The following TRPM3 variants were observed in gnomAD, a reference collection of about 807,000 sequenced individuals.
TRPM3 encodes long transient receptor potential channel 3.
In TRPM3, 77 loss-of-function variants were observed where a neutral mutation model predicts 181.2. That is an observed-to-expected ratio of 0.42 (90% confidence interval 0.35 to 0.51). The LOEUF is 0.51. Ranked by LOEUF, TRPM3 falls within the 20% of genes least tolerant of loss-of-function variation. TRPM3 has a pLI of 0.01. For synonymous variants in TRPM3, 745 were observed against 796.4 expected, an observed-to-expected ratio of 0.94 and a Z score of 1.09; for missense variants, 1,759 against 2,196.7, an observed-to-expected ratio of 0.80 and a Z score of 3.98.
At chr9:71,299,006 A>T (rs1349518928) in intron 1 of TRPM3, among the ~76,000 whole-genome samples, 2 of 152,178 alleles carry the variant, frequency 1.3e-5, no homozygotes, top group Non-Finnish European at 2.9e-5. Context: ...AAAGGATAAA[A>T]AAAGAGACTG....
intron 1 of TRPM3, among the ~76,000 whole-genome samples, chr9:71,280,535 A>C (rs961532870): frequency 2.6e-5 from 4 of 152,200 alleles, no homozygotes; most frequent in African/African-American, 9.6e-5. Flanking sequence ...AAAGAAAAGA[A>C]AAGAAAAGCC....
intron 20 of TRPM3, among the ~76,000 whole-genome samples, chr9:70,602,022 T>C (rs1199451277): frequency 6.6e-6 from 1 of 150,416 alleles, no homozygotes; most frequent in South Asian, 2.1e-4. Context: ...AAATGGGAAA[T>C]CCACAACATT....
intron 9 of TRPM3, among the ~76,000 whole-genome samples, chr9:70,642,545 G>A (rs527747396): frequency 3.9e-5 from 6 of 152,158 alleles, no homozygotes; most frequent in Admixed American, 3.9e-4. Context: ...GGGGAGCTTC[G>A]CTCAGGGTGC....
At chr9:71,006,819 C>CTCTCA in intron 1 of TRPM3, among the ~76,000 whole-genome samples, 1 of 143,436 alleles carries the variant, frequency 7.0e-6, no homozygotes, top group East Asian at 2.1e-4. Flanking sequence ...TGCAGTGAGC[C>CTCTCA]GAGATCGCGC....
chr9:71,086,603 G>A (rs1169600654), intron 1 of TRPM3, among the ~76,000 whole-genome samples: 2 of 152,034 alleles, frequency 1.3e-5, no homozygotes, highest in African/African-American at 2.4e-5. Flanking sequence ...TTGATGGAGA[G>A]TAAAGTCTTC....
intron 1 of TRPM3, among the ~76,000 whole-genome samples, chr9:71,383,228 G>A (rs190307500): frequency 9.9e-4 from 151 of 152,178 alleles, no homozygotes; most frequent in Non-Finnish European, 1.6e-3. Flanking sequence ...ACATGTATAT[G>A]TGTGTTTTTA....
chr9:70,859,623 T>G (rs2132330374), intron 3 of TRPM3, among the ~76,000 whole-genome samples: 1 of 152,304 alleles, frequency 6.6e-6, no homozygotes, highest in East Asian at 1.9e-4. Flanking sequence ...ATTGCACAAG[T>G]ATTTTAATAC....
intron 1 of TRPM3, among the ~76,000 whole-genome samples, chr9:70,939,071 C>T (rs895735830): frequency 2.6e-4 from 39 of 152,148 alleles, no homozygotes; most frequent in African/African-American, 9.4e-4. Context: ...TAAATACATC[C>T]AGTTTTCAGA....
At chr9:70,759,230 A>T (rs11142568) in intron 8 of TRPM3, among the ~76,000 whole-genome samples, 1 of 152,122 alleles carries the variant, frequency 6.6e-6, no homozygotes, top group Non-Finnish European at 1.5e-5. Context: ...ACATATGGAA[A>T]AAAGCTCATC....
intron 2 of TRPM3, among the ~76,000 whole-genome samples, chr9:70,864,023 A>C (rs996684168): frequency 6.6e-6 from 1 of 152,078 alleles, no homozygotes; most frequent in Non-Finnish European, 1.5e-5. Flanking sequence ...CTTAAATGGG[A>C]ATCTGAAGGT....
intron 1 of TRPM3, among the ~76,000 whole-genome samples, chr9:71,386,018 A>G (rs1465871579): frequency 6.6e-6 from 1 of 151,942 alleles, no homozygotes; most frequent in Non-Finnish European, 1.5e-5. Flanking sequence ...GTCTTAGAAG[A>G]TTTAGACATA....
intron 1 of TRPM3, among the ~76,000 whole-genome samples, chr9:71,421,333 C>T (rs1218731771): frequency 6.6e-6 from 1 of 151,730 alleles, no homozygotes; most frequent in Non-Finnish European, 1.5e-5. Context: ...CGTAACAAAC[C>T]ACCAATCTAC....
chr9:70,564,926 G>A (rs1334890150), intron 22 of TRPM3, among the ~76,000 whole-genome samples: 3 of 152,296 alleles, frequency 2.0e-5, no homozygotes, highest in South Asian at 2.1e-4. Context: ...TACAGCTCAC[G>A]GTTCAGGCTC....
intron 1 of TRPM3, among the ~76,000 whole-genome samples, chr9:71,316,417 T>C (rs1422473315): frequency 1.3e-5 from 2 of 152,182 alleles, no homozygotes; most frequent in African/African-American, 4.8e-5. Flanking sequence ...CATGTGAATA[T>C]GTTACTTTAC....
At chr9:70,838,392 C>A (rs551372222) in intron 5 of TRPM3, among the ~76,000 whole-genome samples, 35 of 152,254 alleles carry the variant, frequency 2.3e-4, no homozygotes, top group African/African-American at 8.2e-4. Context: ...AAAGGGACCC[C>A]AGAGAGATCC....
rs2131498465 is a variant in TRPM3 at position 71,416,791 on chromosome 9, G to GA, written c.183+29861dup. ...GACAAAACTACCACCATAAGATACAGAAAGTTTTTATAACCCCAGGAAGTT... is the reference window on the plus strand; with the variant it reads ...GACAAAACTACCACCATAAGATACAGAAAAGTTTTTATAACCCCAGGAAGTT... On this transcript the variant is annotated intron_variant, in intron 1 of 24. Coordinates refer to the TRPM3 transcript ENST00000357533. Among the ~76,000 whole-genome samples the GA allele has an allele frequency of 1.3e-5, 2 of 151,986 alleles. 1 individual carries two copies. Among genetic ancestry groups the GA allele is most frequent in the Admixed American group, 1.3e-4 (2 of 15,230 alleles).
chr9:70,911,434 A>G (rs1452815972), intron 1 of TRPM3, among the ~76,000 whole-genome samples: 2 of 152,206 alleles, frequency 1.3e-5, no homozygotes, highest in East Asian at 1.9e-4. Flanking sequence ...TGCCTCAAAT[A>G]TGATCTAAAA....
At chr9:70,573,972 TCACACACACACACACACACACACACACA>T (rs59193514) in intron 22 of TRPM3, among the ~76,000 whole-genome samples, 2 of 140,938 alleles carry the variant, frequency 1.4e-5, no homozygotes, top group Non-Finnish European at 3.0e-5. Flanking sequence ...GCAATTCATT[TCACACACACACACACACACACACACACA>T]CACACACACA....
intron 19 of TRPM3, among the ~76,000 whole-genome samples, chr9:70,609,253 T>TGTCA (rs1331941063): frequency 6.6e-6 from 1 of 152,200 alleles, no homozygotes; most frequent in African/African-American, 2.4e-5. Context: ...AGTCCATGCT[T>TGTCA]GTCACCACTA....
Sources: allele counts gnomAD v4.1 joint callset (sites outside exome capture counted in the v4.1 genomes callset), GRCh38; gene constraint gnomAD v4.1.1; transcripts MANE v1.5; gene names NCBI Gene and HGNC (gene_info 2026-07-23, HGNC 2026-07-21).